Variants in SYN3 observed in about 807,000 individuals in gnomAD.
The protein encoded by SYN3 is synapsin III.
In SYN3, 35 loss-of-function variants were observed where a neutral mutation model predicts 65.8. That is an observed-to-expected ratio of 0.53 (90% CI 0.41 to 0.70). The LOEUF is 0.70. Among genes scored for constraint, SYN3 ranks in the 30% least tolerant of loss-of-function variants. The pLI is 0.00. For synonymous variants in SYN3, 270 were observed against 292.9 expected (o/e 0.92, Z 0.80); for missense variants, 680 against 749.0 (o/e 0.91, Z 1.08).
chr22:32,662,414 G>T (rs58701302), intron 6 of SYN3, among the ~76,000 whole-genome samples: 4,573 of 152,214 alleles, frequency 0.03, 77 homozygotes, highest in Middle Eastern at 0.037. Context: ...TCCCCAGATG[G>T]AACTCATCAT....
chr22:32,614,536 C>A (rs538316840), intron 6 of SYN3, among the ~76,000 whole-genome samples: 7 of 152,254 alleles, frequency 4.6e-5, no homozygotes, highest in Admixed American at 6.5e-5. Context: ...GGGGATGAAC[C>A]CTGTCTGACC....
intron 6 of SYN3, chr22:32,864,677 A>C (rs2048640242): frequency 2.8e-6 from 1 of 361,260 alleles, no homozygotes; most frequent in African/African-American, 2.0e-5. Context: ...AAAATCTCCA[A>C]GTTCCAAGGA....
At chr22:32,763,792 C>A (rs182061662) in intron 6 of SYN3, among the ~76,000 whole-genome samples, 2 of 152,076 alleles carry the variant, frequency 1.3e-5, no homozygotes, top group Admixed American at 1.3e-4. Context: ...ATCCCAAGCT[C>A]AGGGAAGAAA....
chr22:32,597,226 T>TC (rs2059214866), intron 6 of SYN3, among the ~76,000 whole-genome samples: 2 of 102,112 alleles, frequency 2.0e-5, no homozygotes, highest in African/African-American at 8.6e-5. Context: ...TTTTTTTTTT[T>TC]TTTTTTTGGG....
At chr22:32,683,065 G>C (rs1264854486) in intron 6 of SYN3, among the ~76,000 whole-genome samples, 1 of 152,204 alleles carries the variant, frequency 6.6e-6, no homozygotes, top group Non-Finnish European at 1.5e-5. Flanking sequence ...CCATGCAAGA[G>C]TGGACAAATA....
chr22:32,758,414 T>C (rs1010407523), intron 6 of SYN3, among the ~76,000 whole-genome samples: 10 of 151,604 alleles, frequency 6.6e-5, no homozygotes, highest in Non-Finnish European at 4.4e-5. Context: ...GTCACTGGGC[T>C]GGGGAAGACA....
chr22:33,020,211 A>C (rs1184569702), intron 1 of SYN3, among the ~76,000 whole-genome samples: 1 of 152,244 alleles, frequency 6.6e-6, no homozygotes, highest in Non-Finnish European at 1.5e-5. Context: ...TAACCATGGA[A>C]ACGTGTTTGT....
intron 6 of SYN3, among the ~76,000 whole-genome samples, chr22:32,850,094 C>A (rs2048177139): frequency 6.7e-6 from 1 of 149,710 alleles, no homozygotes; most frequent in Non-Finnish European, 1.5e-5. Context: ...TGATTGTCTT[C>A]TTGCATCCTA....
At chr22:32,550,838 C>G (rs369807342) in intron 7 of SYN3, among the ~76,000 whole-genome samples, 16 of 152,076 alleles carry the variant, frequency 1.1e-4, no homozygotes, top group African/African-American at 3.6e-4. Context: ...AAGATGAGTT[C>G]AAAACATCTT....
At chr22:32,695,971 G>A (rs1291408127) in intron 6 of SYN3, among the ~76,000 whole-genome samples, 4 of 152,144 alleles carry the variant, frequency 2.6e-5, no homozygotes, top group Non-Finnish European at 5.9e-5. Flanking sequence ...CACTGAATGT[G>A]GCAGATATGG....
intron 7 of SYN3, among the ~76,000 whole-genome samples, chr22:32,556,517 T>G (rs899759764): frequency 1.3e-5 from 2 of 152,188 alleles, no homozygotes; most frequent in African/African-American, 4.8e-5. Flanking sequence ...AATTGCTATG[T>G]TTCCTTTGAA....
At chr22:32,580,424 A>G (rs931273484) in intron 7 of SYN3, among the ~76,000 whole-genome samples, 4 of 152,204 alleles carry the variant, frequency 2.6e-5, no homozygotes, top group African/African-American at 9.7e-5. Context: ...GTAGATTGCT[A>G]TAATTGTCTG....
intron 7 of SYN3, among the ~76,000 whole-genome samples, chr22:32,552,847 G>A (rs2058437205): frequency 6.6e-6 from 1 of 152,222 alleles, no homozygotes; most frequent in African/African-American, 2.4e-5. Context: ...ATGTCACTTA[G>A]TTAGGCTTCT....
rs976175648 is a variant in SYN3, at chr22:32,510,293, T to C, written c.*3399A>G. Among the ~76,000 whole-genome samples the C allele has an allele frequency of 6.6e-6, 1 of 152,214 alleles. No homozygotes were observed. Among genetic ancestry groups the C allele is most frequent in the Non-Finnish European group, 1.5e-5 (1 of 68,028 alleles). On this transcript the variant is annotated 3_prime_UTR_variant, in exon 14 of 14. Transcript: ENST00000358763. ...GATTGACAAAGATGCAGGTTCTGGG[T>C]CCTGTGACCAGAAATTCGGACTCCT...
intron 6 of SYN3, among the ~76,000 whole-genome samples, chr22:32,628,447 T>C (rs1273751398): frequency 6.6e-6 from 1 of 152,174 alleles, no homozygotes; most frequent in Non-Finnish European, 1.5e-5. Context: ...TACCTGCTCC[T>C]GCCTGGGGAT....
Position 33,001,760 on chromosome 22 carries a change from A to C in SYN3, c.311+4592T>G, listed in dbSNP as rs1286433324. Reference sequence around the variant, plus strand: ...TTAACTCTATGACATAGGTACTATCATTATTCCCATTTAGGTGCAGTAATT... The same window carrying C: ...TTAACTCTATGACATAGGTACTATCCTTATTCCCATTTAGGTGCAGTAATT... On this transcript the variant is annotated intron_variant, in intron 2 of 13. Transcript: ENST00000358763. Among the ~76,000 whole-genome samples, 3 of 152,216 alleles carry C rather than the reference A, an allele frequency of 2.0e-5. No individual in the cohort carries two copies. In the East Asian group the frequency reaches 5.8e-4, roughly 29 times the overall value.
At chr22:32,611,907 T>G (rs1333389350) in intron 6 of SYN3, among the ~76,000 whole-genome samples, 1 of 152,146 alleles carries the variant, frequency 6.6e-6, no homozygotes, top group Non-Finnish European at 1.5e-5. Context: ...AATCTTTCAG[T>G]CCCACCCTTC....
intron 2 of SYN3, among the ~76,000 whole-genome samples, chr22:32,990,334 AT>A (rs1288248946): frequency 6.6e-6 from 1 of 151,410 alleles, no homozygotes; most frequent in African/African-American, 2.4e-5. Flanking sequence ...CCATCCATCC[AT>A]CCATCCATCC....
At chr22:32,959,486 G>A (rs973784982) in intron 3 of SYN3, among the ~76,000 whole-genome samples, 5 of 151,990 alleles carry the variant, frequency 3.3e-5, no homozygotes, top group African/African-American at 1.2e-4. Flanking sequence ...AGGAGGCAGA[G>A]GTTGCAGTGA....
Sources: allele counts gnomAD v4.1 joint callset (sites outside exome capture counted in the v4.1 genomes callset), GRCh38; gene constraint gnomAD v4.1.1; transcripts MANE v1.5; gene names NCBI Gene and HGNC (gene_info 2026-07-23, HGNC 2026-07-21).